Variants in DCDC2C observed in about 807,000 individuals in gnomAD.
The protein encoded by DCDC2C is doublecortin domain-containing protein 2C.
A neutral mutation model predicts 45.0 loss-of-function variants in DCDC2C; 44 were observed. The observed-to-expected ratio is 0.98, with a 90% CI of 0.77 to 1.26. The LOEUF is 1.26. DCDC2C is among the 50% of genes most tolerant of loss of function. DCDC2C has a pLI of 0.00. For synonymous variants in DCDC2C, 187 were observed against 178.8 expected (o/e 1.05, Z -0.37); for missense variants, 447 against 468.9 (o/e 0.95, Z 0.43).
chr2:3,735,321 T>C (rs1172865759), intron 3 of DCDC2C, among the ~76,000 whole-genome samples: 2 of 152,064 alleles, frequency 1.3e-5, no homozygotes, highest in East Asian at 3.9e-4. Context: ...TGTGCAGGTT[T>C]GTTACATATG....
At chr2:3,787,517 T>C (rs926162140) in intron 10 of DCDC2C, among the ~76,000 whole-genome samples, 2 of 152,254 alleles carry the variant, frequency 1.3e-5, no homozygotes, top group African/African-American at 2.4e-5. Context: ...GAGATTTTAC[T>C]CACATTTGCC....
intron 3 of DCDC2C, among the ~76,000 whole-genome samples, chr2:3,728,536 C>T (rs1359146003): frequency 1.3e-5 from 2 of 152,180 alleles, no homozygotes; most frequent in Non-Finnish European, 1.5e-5. Context: ...TCCTCACTCA[C>T]TGGACAGACA....
At chr2:3,766,537 A>G (rs1393857193) in intron 6 of DCDC2C, among the ~76,000 whole-genome samples, 1 of 152,188 alleles carries the variant, frequency 6.6e-6, no homozygotes, top group Non-Finnish European at 1.5e-5. Flanking sequence ...CTCGTAGGAA[A>G]ACTCCTTAAA....
intron 10 of DCDC2C, among the ~76,000 whole-genome samples, chr2:3,831,461 C>T (rs975037556): frequency 7.9e-5 from 12 of 152,136 alleles, no homozygotes; most frequent in Admixed American, 3.3e-4. Flanking sequence ...GCAACTGTAA[C>T]GCAGTGGTGA....
intron 2 of DCDC2C, among the ~76,000 whole-genome samples, chr2:3,710,208 A>C (rs981889868): frequency 1.2e-4 from 18 of 152,086 alleles, no homozygotes; most frequent in African/African-American, 4.1e-4. Flanking sequence ...TTTTTCTTCA[A>C]CTTTTAAGTT....
rs1239432033 is a variant in DCDC2C, at chr2:3,767,741, A to G, written c.727-13A>G. On this transcript the variant is annotated splice_polypyrimidine_tract_variant and intron_variant, in intron 6 of 10. Coordinates refer to ENST00000399143, the MANE Select transcript of DCDC2C (RefSeq NM_001287444.2). ...GTTCTTAATGGACTTTCTCTTCTTC[A>G]TTTGTCCTGTAGGTGGACTCCAAAG... 3 of 1,550,192 alleles carry G rather than the reference A, an allele frequency of 1.9e-6. No homozygotes were observed. The highest frequency in any genetic ancestry group is 1.4e-5 in the African/African-American group (1 of 73,054).
At chr2:3,780,503 T>C (rs17018009) in intron 9 of DCDC2C, among the ~76,000 whole-genome samples, 34,449 of 152,206 alleles carry the variant, frequency 0.23, 4,602 homozygotes, top group East Asian at 0.58. Context: ...TCTTTCTTAA[T>C]GTAAGCACTA....
chr2:3,725,720 C>T lies in DCDC2C; in HGVS notation c.340-1283C>T, dbSNP rs55982634. ...CCAGAGGGAGATGAGCAAAGAGTGA[C>T]GAGGCTGGCCAGGTGGATCCCGGAG... On this transcript the variant is annotated intron_variant, in intron 2 of 10. Coordinates refer to ENST00000399143, the MANE Select transcript of DCDC2C (RefSeq NM_001287444.2). 1.4e-3 allele frequency among the ~76,000 whole-genome samples: 143 copies of T among 104,044 alleles called. 1 individual carries two copies. Among genetic ancestry groups the T allele is most frequent in the African/African-American group, 2.3e-3 (61 of 26,680 alleles). The allele number at this position is 104,044 out of a possible 152,430, so 68.3% of individuals were successfully genotyped here. A position where few individuals can be genotyped will look rare whatever the true frequency, so the allele number is the denominator to read the frequency against.
At chr2:3,771,433 A>G (rs1670165537) in intron 8 of DCDC2C, among the ~76,000 whole-genome samples, 1 of 152,266 alleles carries the variant, frequency 6.6e-6, no homozygotes, top group Non-Finnish European at 1.5e-5. Flanking sequence ...TGCATCTTTG[A>G]AAATGCACAC....
Position 3,729,359 on chromosome 2 carries a change from C to T in DCDC2C, c.416+2280C>T, listed in dbSNP as rs912729406. Among the ~76,000 whole-genome samples, 10 of 152,272 alleles carry T rather than the reference C, an allele frequency of 6.6e-5. 1 individual carries two copies. In the South Asian group the frequency reaches 1.4e-3, roughly 22 times the overall value. On this transcript the variant is annotated intron_variant, in intron 3 of 10. Transcript: ENST00000399143. Reference sequence around the variant, plus strand: ...GTCCTGGCCCTCATTGCGAGACTGACGTCGAAGATAGACACAGCTGGACAT... The same window carrying T: ...GTCCTGGCCCTCATTGCGAGACTGATGTCGAAGATAGACACAGCTGGACAT...
At chr2:3,713,448 C>T (rs1668272250) in intron 2 of DCDC2C, among the ~76,000 whole-genome samples, 1 of 152,188 alleles carries the variant, frequency 6.6e-6, no homozygotes, top group African/African-American at 2.4e-5. Flanking sequence ...CCCTCTGCTG[C>T]TCCACCTCTT....
intron 10 of DCDC2C, among the ~76,000 whole-genome samples, chr2:3,785,995 A>G (rs1670641503): frequency 6.6e-6 from 1 of 152,216 alleles, no homozygotes; most frequent in African/African-American, 2.4e-5. Flanking sequence ...CCAATTGTTT[A>G]TAACAAAATC....
intron 10 of DCDC2C, among the ~76,000 whole-genome samples, chr2:3,837,479 A>C (rs920944839): frequency 6.6e-6 from 1 of 151,974 alleles, no homozygotes; most frequent in African/African-American, 2.4e-5. Context: ...GGGAGCACAC[A>C]CTGGGGCAGT....
rs12463789 is a variant in DCDC2C at position 3,761,828 on chromosome 2, T to C, written c.727-5926T>C. The stretch of plus-strand genomic sequence containing the variant: ...CCAAGTTACCCTGGGAGGCTGCCTT[T>C]TGTGTGCCTGAGCTAGACAATCTCT... On this transcript the variant is annotated intron_variant, in intron 6 of 10. Transcript: ENST00000399143. This position sits in a 1 kb window ranked among gnomAD's most constrained non-coding sequence, Gnocchi z 4.3. Among the ~76,000 whole-genome samples, 36,526 of 152,184 alleles carry C rather than the reference T, an allele frequency of 0.24. 5,348 individuals are homozygous for C. Among genetic ancestry groups the C allele is most frequent in the South Asian group, 0.33 (1,590 of 4,818 alleles).
Position 3,782,026 on chromosome 2 carries a change from C to T in DCDC2C, c.1024-3033C>T, listed in dbSNP as rs555622545. Reference sequence around the variant, plus strand: ...ACGTGCAGTTCAGCGGCATTAATCACGTTCTCCGTGTTGCACAGTCACGGC... The same window carrying T: ...ACGTGCAGTTCAGCGGCATTAATCATGTTCTCCGTGTTGCACAGTCACGGC... On this transcript the variant is annotated intron_variant, in intron 9 of 10. Transcript: ENST00000399143. Among the ~76,000 whole-genome samples the T allele has an allele frequency of 3.3e-5, 5 of 152,310 alleles. No homozygotes were observed. In the South Asian group the frequency reaches 6.2e-4, roughly 19 times the overall value.
In DCDC2C at chr2:3,708,619, CA is replaced by C; in HGVS notation, c.339+21del. 1 of 1,539,566 alleles carries C rather than the reference CA, an allele frequency of 6.5e-7. No individual in the cohort carries two copies. Among genetic ancestry groups the C allele is most frequent in the East Asian group, 2.4e-5 (1 of 40,826 alleles). ...GAAGGAAGTAAGTGTTTGCTTCTAACAACTAATAATGGAATAAATTGGCCAA... is the reference window on the plus strand; with the variant it reads ...GAAGGAAGTAAGTGTTTGCTTCTAACACTAATAATGGAATAAATTGGCCAA... On this transcript the variant is annotated intron_variant, in intron 2 of 10. Coordinates refer to ENST00000399143, the MANE Select transcript of DCDC2C (RefSeq NM_001287444.2).
chr2:3,832,328 A>G lies in DCDC2C; in HGVS notation c.1066-14826A>G, dbSNP rs375326772. On this transcript the variant is annotated intron_variant, in intron 10 of 10. Transcript: ENST00000399143. ...TGAATAAAGGAATAATAAATAGCTT[A>G]TCACCTGATTGAAATTCAGACTAAG... is the stretch of plus-strand genomic sequence containing the variant. 9.2e-5 allele frequency among the ~76,000 whole-genome samples: 14 copies of G among 152,366 alleles called. No individual in the cohort carries two copies. The South Asian group carries it at 1.2e-3, about 14-fold the overall frequency.
At chr2:3,733,300 G>C (rs117886401) in intron 3 of DCDC2C, among the ~76,000 whole-genome samples, 1 of 152,180 alleles carries the variant, frequency 6.6e-6, no homozygotes, top group Admixed American at 6.5e-5. Flanking sequence ...CAGCTGCTTG[G>C]TCCAGCTAAA....
At chr2:3,763,577 G>A (rs10200015) in intron 6 of DCDC2C, among the ~76,000 whole-genome samples, 30,724 of 152,106 alleles carry the variant, frequency 0.2, 3,658 homozygotes, top group African/African-American at 0.33. Flanking sequence ...CATGCTGCAC[G>A]GGGTCTCTAG....
Sources: gnomAD v4.1 joint callset for allele counts (sites outside exome capture counted in the v4.1 genomes callset) on GRCh38, gnomAD v4.1.1 for gene constraint, Gnocchi (gnomAD v3.1) non-coding constraint, MANE v1.5 for transcripts, NCBI Gene and HGNC (gene_info 2026-07-23, HGNC 2026-07-21) for gene names.